The following HERC3 variants were observed in gnomAD, a reference collection of about 807,000 sequenced individuals.
The protein encoded by HERC3 is probable E3 ubiquitin-protein ligase HERC3.
HERC3 carries 58 observed loss-of-function variants against 129.9 expected under a neutral mutation model. The ratio of observed to expected loss-of-function variants is 0.45; its 90% confidence interval spans 0.36 to 0.56. HERC3 has a LOEUF of 0.56. HERC3 is among the 20% of genes least tolerant of loss of function. The pLI is 0.00. For synonymous variants in HERC3, 430 were observed against 451.0 expected (o/e 0.95, Z 0.59); for missense variants, 835 against 1,244.2 (o/e 0.67, Z 4.95).
At chr4:88,662,816 T>G (rs1169019867) in intron 11 of HERC3, among the ~76,000 whole-genome samples, 2 of 152,162 alleles carry the variant, frequency 1.3e-5, no homozygotes, top group African/African-American at 4.8e-5. Context: ...AAATCCTGAC[T>G]GATGAAGGCC....
At chr4:88,694,108 T>C (rs1412375613) in intron 23 of HERC3, among the ~76,000 whole-genome samples, 1 of 152,100 alleles carries the variant, frequency 6.6e-6, no homozygotes, top group African/African-American at 2.4e-5. Context: ...TAAAATCTTA[T>C]CATAAACAAA....
In HERC3 at chr4:88,662,396, A is replaced by G. The variant is rs766128538; in HGVS notation, c.1147-35A>G. The G allele has an allele frequency of 3.2e-5, 51 of 1,583,248 alleles. No homozygotes were observed. In the South Asian group the frequency reaches 5.9e-4, roughly 18 times the overall value. ...GAGGAGACAAGATCCATGCTACATAATTTCTTCTTTTTACTGTTACATTTA... is the reference window on the plus strand; with the variant it reads ...GAGGAGACAAGATCCATGCTACATAGTTTCTTCTTTTTACTGTTACATTTA... On this transcript the variant is annotated intron_variant, in intron 10 of 25. Transcript: ENST00000402738.
At chr4:88,596,369 A>T (rs897326659) in intron 2 of HERC3, among the ~76,000 whole-genome samples, 2 of 152,186 alleles carry the variant, frequency 1.3e-5, no homozygotes, top group African/African-American at 4.8e-5. Flanking sequence ...GTGTAAGTGA[A>T]CTGGTTTTAT....
In HERC3 at chr4:88,602,402, CAAAAAAAAAAAAA is replaced by C. The variant is rs112656963; in HGVS notation, c.-29-3381_-29-3369del. Among the ~76,000 whole-genome samples the C allele has an allele frequency of 4.1e-3, 211 of 51,260 alleles. 1 individual carries two copies. Among genetic ancestry groups the C allele is most frequent in the African/African-American group, 0.014 (176 of 12,268 alleles). The allele number at this position is 51,260 out of a possible 152,430, so 33.6% of individuals were successfully genotyped here. On this transcript the variant is annotated intron_variant, in intron 2 of 25. Transcript: ENST00000402738. Reference sequence around the variant, plus strand: ...GGGAGACAGAGCGAGACTTGGTCTCCAAAAAAAAAAAAAAAAAAAAAAAAGTATGTTTGGAAAC... The same window carrying C: ...GGGAGACAGAGCGAGACTTGGTCTCCAAAAAAAAAAAGTATGTTTGGAAAC...
chr4:88,610,205 C>T (rs902155421), intron 3 of HERC3, among the ~76,000 whole-genome samples: 10 of 152,090 alleles, frequency 6.6e-5, no homozygotes, highest in South Asian at 2.1e-4. Context: ...CTGTAATCCC[C>T]GCACATTGGG....
At chr4:88,634,600 TC>T (rs1727153912) in intron 3 of HERC3, among the ~76,000 whole-genome samples, 1 of 151,134 alleles carries the variant, frequency 6.6e-6, no homozygotes, top group Admixed American at 6.6e-5. Context: ...TGAGTGAGTT[TC>T]CCCCCAGCAC....
the HERC3 span, among the ~76,000 whole-genome samples, chr4:88,532,305 G>T: frequency 5.9e-5 from 9 of 152,180 alleles, no homozygotes; most frequent in Admixed American, 1.3e-4. Context: ...GAGAAAGCTG[G>T]TGATATAACT....
chr4:88,579,265 G>C, the HERC3 span, among the ~76,000 whole-genome samples: 1 of 148,322 alleles, frequency 6.7e-6, no homozygotes, highest in African/African-American at 2.6e-5. Context: ...AAGTTAGCCA[G>C]GTGTGGTGGC....
chr4:88,613,838 A>C (rs1724616830), intron 3 of HERC3, among the ~76,000 whole-genome samples: 1 of 152,204 alleles, frequency 6.6e-6, no homozygotes, highest in Admixed American at 6.5e-5. Flanking sequence ...AATGGTTATA[A>C]TCAAAACTAG....
the HERC3 span, among the ~76,000 whole-genome samples, chr4:88,541,668 T>G: frequency 6.6e-6 from 1 of 152,336 alleles, no homozygotes; most frequent in South Asian, 2.1e-4. Flanking sequence ...ACATCGCACT[T>G]ATTCTAAAAT....
intron 9 of HERC3, 115 bp downstream of exon 9, chr4:88,656,150 A>AT (rs1284645722): frequency 8.4e-5 from 77 of 915,168 alleles, no homozygotes; most frequent in South Asian, 8.2e-4. Flanking sequence ...AAGATAAGGT[A>AT]TTTTTTAACA....
At chr4:88,666,596 T>C (rs575229584) in intron 12 of HERC3, among the ~76,000 whole-genome samples, 12 of 152,356 alleles carry the variant, frequency 7.9e-5, no homozygotes, top group African/African-American at 2.9e-4. Flanking sequence ...TCAGAGTGTA[T>C]TAAAATCATC....
rs1356186545 is a variant in HERC3 at position 88,652,059 on chromosome 4, G to A, written c.434G>A (p.Gly145Asp). The A allele has an allele frequency of 6.2e-7, 1 of 1,613,892 alleles. No individual in the cohort carries two copies. Among genetic ancestry groups the A allele is most frequent in the Admixed American group, 1.7e-5 (1 of 60,022 alleles). ...CAAACAATATTACAAGTTTCCTGTG[G>A]CAACTGGCATTGCTTGGCTCTTGCG... ...NQQTILQVSC[G>D]NWHCLALAAD... The change falls in exon 5 of 26, where the codon GGC (glycine) becomes GAC (aspartate). Residue 145 changes from glycine (G) to aspartate (D), a missense_variant. By Grantham distance (94) the Gly-to-Asp change is moderately conservative. Transcript: ENST00000402738.
At chr4:88,658,299 C>T (rs953806602) in intron 9 of HERC3, 116 bp from the exon 10 acceptor site, 1 of 526,736 alleles carries the variant, frequency 1.9e-6, no homozygotes, top group Non-Finnish European at 3.4e-6. Context: ...ACTTCTGTGA[C>T]ACAATTAAAA....
intron 16 of HERC3, among the ~76,000 whole-genome samples, chr4:88,673,078 A>G (rs1731782543): frequency 6.6e-6 from 1 of 152,222 alleles, no homozygotes; most frequent in African/African-American, 2.4e-5. Context: ...ATCTGCACTT[A>G]AAAACCAAAT....
At chr4:88,692,800 G>A (rs994829078) in intron 23 of HERC3, 4 of 602,994 alleles carry the variant, frequency 6.6e-6, no homozygotes, top group Admixed American at 6.3e-5. Flanking sequence ...AGGATTCAAA[G>A]CCAGGTGGTT....
intron 3 of HERC3, among the ~76,000 whole-genome samples, chr4:88,640,089 G>A (rs1727907707): frequency 6.6e-6 from 1 of 152,168 alleles, no homozygotes; most frequent in South Asian, 2.1e-4. Context: ...AGATGCTGGC[G>A]AGGCTATGGA....
In HERC3 at chr4:88,689,015, T is replaced by A. The variant is rs142414565; in HGVS notation, c.2657+1716T>A. Among the ~76,000 whole-genome samples the A allele has an allele frequency of 4.5e-4, 68 of 152,266 alleles. 1 individual carries two copies. The East Asian group carries it at 0.013, about 29-fold the overall frequency. On this transcript the variant is annotated intron_variant, in intron 23 of 25. Transcript: ENST00000402738. The stretch of plus-strand genomic sequence containing the variant: ...TTTAGAGAGGAAAGCAAGGTTTCAT[T>A]TAAGCTATGAAAAAAGATACAGATG...
At chr4:88,685,582 C>T (rs987945266) in intron 21 of HERC3, among the ~76,000 whole-genome samples, 1 of 152,236 alleles carries the variant, frequency 6.6e-6, no homozygotes, top group Admixed American at 6.5e-5. Flanking sequence ...GAACATCACA[C>T]ACTGGGGCCT....
Sources: allele counts gnomAD v4.1 joint callset (sites outside exome capture counted in the v4.1 genomes callset), GRCh38; gene constraint gnomAD v4.1.1; transcripts MANE v1.5; gene names NCBI Gene and HGNC (gene_info 2026-07-23, HGNC 2026-07-21).